TMX4: variants seen among roughly 807,000 people sequenced by gnomAD.
The protein encoded by TMX4 is thioredoxin related transmembrane protein 4, also known as thioredoxin-related transmembrane protein 4.
In TMX4, 23 loss-of-function variants were observed where a neutral mutation model predicts 33.3. The ratio of observed to expected loss-of-function variants is 0.69; its 90% CI spans 0.50 to 0.98. The LOEUF (loss-of-function observed/expected upper bound fraction) is 0.98, where lower values mean the gene tolerates loss of function less well. TMX4 is among the 50% of genes least tolerant of loss of function. The pLI is 0.00. For synonymous variants in TMX4, 164 were observed against 161.5 expected, an observed-to-expected ratio of 1.02 and a Z score of -0.12; for missense variants, 399 against 448.9, an observed-to-expected ratio of 0.89 and a Z score of 1.01.
intron 5 of TMX4, among the ~76,000 whole-genome samples, chr20:7,989,244 T>A (rs552776883): frequency 6.6e-6 from 1 of 152,158 alleles, no homozygotes; most frequent in African/African-American, 2.4e-5. Context: ...AATTAGAAGA[T>A]GGTCAAAGTC....
At chr20:8,018,346 GA>G (rs1568540904) in intron 1 of TMX4, among the ~76,000 whole-genome samples, 21 of 86,554 alleles carry the variant, frequency 2.4e-4, no homozygotes, top group East Asian at 1.1e-3. Flanking sequence ...AGAGAGAGAG[GA>G]GGGAGAGAGA....
At chr20:7,998,355 G>T (rs1312571002) in intron 4 of TMX4, among the ~76,000 whole-genome samples, 1 of 152,034 alleles carries the variant, frequency 6.6e-6, no homozygotes, top group Non-Finnish European at 1.5e-5. Context: ...TTTTATTAAT[G>T]AATCCTTCTT....
chr20:7,999,982 T>C (rs760717362), intron 3 of TMX4, 122 bp from the exon 4 acceptor site: 4 of 989,070 alleles, frequency 4.0e-6, no homozygotes, highest in Non-Finnish European at 5.8e-6. Flanking sequence ...ATTGACTCAA[T>C]TGAAAAATAT....
chr20:7,986,189 A>G (rs2050630310), intron 6 of TMX4, among the ~76,000 whole-genome samples: 2 of 152,212 alleles, frequency 1.3e-5, no homozygotes, highest in Admixed American at 1.3e-4. Flanking sequence ...AAAAAGATTA[A>G]TGCAACAGAA....
At chr20:8,010,745 C>T (rs1226906997) in intron 1 of TMX4, among the ~76,000 whole-genome samples, 1 of 152,008 alleles carries the variant, frequency 6.6e-6, no homozygotes, top group East Asian at 1.9e-4. Context: ...GGGCAGAGAC[C>T]AAATCTGTTG....
intron 5 of TMX4, among the ~76,000 whole-genome samples, chr20:7,995,490 T>G (rs1156344857): frequency 6.6e-6 from 1 of 152,188 alleles, no homozygotes; most frequent in Non-Finnish European, 1.5e-5. Flanking sequence ...AAGGCCAGAT[T>G]GTAAATATTA....
At chr20:8,006,760 C>CTTT (rs3030970) in intron 2 of TMX4, among the ~76,000 whole-genome samples, 6 of 139,510 alleles carry the variant, frequency 4.3e-5, no homozygotes, top group African/African-American at 1.1e-4. Context: ...ACTTCTTCTT[C>CTTT]TTTTTTTTTT....
At chr20:7,992,877 A>G (rs1208460790) in intron 5 of TMX4, among the ~76,000 whole-genome samples, 2 of 152,178 alleles carry the variant, frequency 1.3e-5, no homozygotes, top group Admixed American at 6.5e-5. Flanking sequence ...ATCTAAATAT[A>G]TTGTTTTCAT....
chr20:8,006,724 G>GGA (rs1008011154), intron 2 of TMX4, among the ~76,000 whole-genome samples: 12 of 151,360 alleles, frequency 7.9e-5, no homozygotes, highest in African/African-American at 2.9e-4. Context: ...ACTTCTCATA[G>GGA]GAGAAGTTCC....
At chr20:8,012,798 C>T (rs1379418821) in intron 1 of TMX4, among the ~76,000 whole-genome samples, 1 of 152,098 alleles carries the variant, frequency 6.6e-6, no homozygotes, top group East Asian at 1.9e-4. Context: ...AATGCATCCT[C>T]GGATATGCCA....
chr20:7,993,534 A>C (rs2050663845), intron 5 of TMX4, among the ~76,000 whole-genome samples: 1 of 152,110 alleles, frequency 6.6e-6, no homozygotes, highest in East Asian at 1.9e-4. Context: ...TAAAGGTGGG[A>C]GTGGGGACCA....
rs370126692 is a variant in TMX4, at chr20:7,987,336, A to G, written c.567T>C (p.Tyr189=). ...CCAAGGTGGCTATGACGAAAAAGAC[A>G]TAAGAACACCAAGCAGGAATTCCAA... ...VTLGIPAWCS[Y]VFFVIATLVF... Residue 189 remains tyrosine, a synonymous_variant, in exon 6 of 8, where the codon TAT becomes TAC. Transcript: ENST00000246024. 11 of 1,601,362 alleles carry G rather than the reference A, an allele frequency of 6.9e-6. No homozygotes were observed. The highest frequency in any genetic ancestry group is 2.7e-5 in the African/African-American group (2 of 74,138).
At chr20:8,006,789 G>A (rs572556869) in intron 2 of TMX4, among the ~76,000 whole-genome samples, 54 of 137,440 alleles carry the variant, frequency 3.9e-4, no homozygotes, top group African/African-American at 1.5e-3. Flanking sequence ...ACAAAGTTAT[G>A]TTCTTGTTGC....
In TMX4 at chr20:7,979,713, GACA is replaced by G. The variant is rs564622283; in HGVS notation, c.*2535_*2537del. On this transcript the variant is annotated 3_prime_UTR_variant, in exon 8 of 8. Coordinates refer to ENST00000246024, the MANE Select transcript of TMX4 (RefSeq NM_021156.4). ...AAGATTGTGCCATTGCAGCCTGGGC[GACA>G]ACAAGAGTGAAACTCCATCTCAAAA... 7 of 137,588 alleles carry G rather than the reference GACA, an allele frequency of 5.1e-5. No homozygotes were observed. The highest frequency in any genetic ancestry group is 7.7e-5 in the Non-Finnish European group (5 of 65,144). 8.5% of individuals were successfully genotyped at this position (137,588 alleles called of 1,614,324 possible).
At chr20:7,994,180 A>G (rs1389250858) in intron 5 of TMX4, among the ~76,000 whole-genome samples, 1 of 152,052 alleles carries the variant, frequency 6.6e-6, no homozygotes, top group African/African-American at 2.4e-5. Context: ...TAAAATGATC[A>G]TTTTTGGTTC....
intron 4 of TMX4, among the ~76,000 whole-genome samples, chr20:7,996,629 G>C (rs376535135): frequency 2.9e-4 from 44 of 152,192 alleles, no homozygotes; most frequent in African/African-American, 1.0e-3. Context: ...GACAGGAAAA[G>C]TCTAACTCTC....
intron 2 of TMX4, among the ~76,000 whole-genome samples, chr20:8,008,034 A>G (rs2050737836): frequency 6.6e-6 from 1 of 152,224 alleles, no homozygotes; most frequent in East Asian, 1.9e-4. Context: ...TATGGTAGAA[A>G]CTCAAATACT....
intron 5 of TMX4, among the ~76,000 whole-genome samples, chr20:7,991,198 C>T (rs2050653096): frequency 6.6e-6 from 1 of 152,086 alleles, no homozygotes; most frequent in South Asian, 2.1e-4. Flanking sequence ...GGATGTAGCA[C>T]ATCTTATTTT....
chr20:8,016,855 TG>T (rs990280418), intron 1 of TMX4, among the ~76,000 whole-genome samples: 10 of 152,218 alleles, frequency 6.6e-5, no homozygotes, highest in Admixed American at 3.9e-4. Flanking sequence ...CTTCTCAATC[TG>T]TTTCTTTAAA....
Sources: gnomAD v4.1 joint callset for allele counts (sites outside exome capture counted in the v4.1 genomes callset) on GRCh38, gnomAD v4.1.1 for gene constraint, MANE v1.5 for transcripts, NCBI Gene and HGNC (gene_info 2026-07-23, HGNC 2026-07-21) for gene names.